The following PPP1R16B variants were observed in gnomAD, a reference collection of about 807,000 sequenced individuals.
The protein encoded by PPP1R16B is protein phosphatase 1 regulatory inhibitor subunit 16B.
PPP1R16B carries 14 observed loss-of-function variants against 61.7 expected under a neutral mutation model. That is an observed-to-expected ratio of 0.23 (90% CI 0.15 to 0.35). PPP1R16B has a LOEUF of 0.35. PPP1R16B is among the 10% of genes least tolerant of loss of function. PPP1R16B has a pLI of 1.00. For missense variants in PPP1R16B, 547 were observed against 752.5 expected (o/e 0.73, Z 3.19); for synonymous variants, 266 against 305.3 (o/e 0.87, Z 1.34).
intron 2 of PPP1R16B, among the ~76,000 whole-genome samples, chr20:38,839,021 G>A (rs1338956271): frequency 2.0e-5 from 3 of 152,212 alleles, no homozygotes; most frequent in South Asian, 2.1e-4. Flanking sequence ...TCTGCCTCCC[G>A]GGTTCAAGCG....
At chr20:38,847,861 T>C (rs1034353702) in intron 2 of PPP1R16B, among the ~76,000 whole-genome samples, 4 of 152,208 alleles carry the variant, frequency 2.6e-5, no homozygotes, top group African/African-American at 9.6e-5. Context: ...GTTTTGTTTA[T>C]AGTAATTTTT....
chr20:38,815,327 A>G (rs2084728427), intron 1 of PPP1R16B, among the ~76,000 whole-genome samples: 1 of 152,262 alleles, frequency 6.6e-6, no homozygotes, highest in Admixed American at 6.5e-5. Flanking sequence ...ATCTGAGCAC[A>G]TGCCAACACA....
rs147912297 is a variant in PPP1R16B, at chr20:38,877,185, A to G, written c.251-12410A>G. Among the ~76,000 whole-genome samples the G allele has an allele frequency of 2.4e-3, 362 of 152,348 alleles. 2 individuals are homozygous for G. The highest frequency in any genetic ancestry group is 8.3e-3 in the African/African-American group (347 of 41,568). ...CCAGGATTTCTCACTTATAAACAAT[A>G]TGCATATAAACAATGCTGCTGTGAA... On this transcript the variant is annotated intron_variant, in intron 2 of 10. Coordinates refer to ENST00000299824, the MANE Select transcript of PPP1R16B (RefSeq NM_015568.4).
At chr20:38,893,597 C>G (rs1011068724) in intron 3 of PPP1R16B, among the ~76,000 whole-genome samples, 1 of 150,562 alleles carries the variant, frequency 6.6e-6, no homozygotes, top group African/African-American at 2.4e-5. Context: ...CGGGAGGAGG[C>G]GGGAGGAGGC....
At chr20:38,814,177 C>T (rs1259984241) in intron 1 of PPP1R16B, among the ~76,000 whole-genome samples, 2 of 152,196 alleles carry the variant, frequency 1.3e-5, no homozygotes, top group Non-Finnish European at 2.9e-5. Flanking sequence ...CAAGGTCACA[C>T]AGCCAGTAAA....
chr20:38,895,691 G>C lies in PPP1R16B; in HGVS notation c.448G>C (p.Val150Leu). The C allele has an allele frequency of 6.2e-7, 1 of 1,614,094 alleles. No individual in the cohort carries two copies. ...AAATCGHINL[V>L]KILVQYGADL... is the part of the protein sequence containing the mutation. ...AGCCACCTGCGGCCACATCAACCTG[G>C]TGAAGATCCTCGTTCAGTAGTACGT... The change falls in exon 4 of 11, where the codon GTG (valine) becomes CTG (leucine). Residue 150 changes from valine (V) to leucine (L), a missense_variant. By Grantham distance (32) the Val-to-Leu change is conservative. Coordinates refer to ENST00000299824, the MANE Select transcript of PPP1R16B (RefSeq NM_015568.4).
intron 2 of PPP1R16B, among the ~76,000 whole-genome samples, chr20:38,876,785 C>G (rs1198000395): frequency 6.6e-6 from 1 of 152,158 alleles, no homozygotes; most frequent in Non-Finnish European, 1.5e-5. Flanking sequence ...TACCACTTGG[C>G]TATCATTCTG....
chr20:38,896,177 T>C (rs1601298894), intron 4 of PPP1R16B, among the ~76,000 whole-genome samples: 1 of 92,088 alleles, frequency 1.1e-5, no homozygotes, highest in South Asian at 3.6e-4. Context: ...CTTCCTTCTT[T>C]CTTCCCTCCC....
At chr20:38,817,787 G>A (rs947563363) in intron 1 of PPP1R16B, among the ~76,000 whole-genome samples, 2 of 151,742 alleles carry the variant, frequency 1.3e-5, no homozygotes, top group Non-Finnish European at 2.9e-5. Context: ...GTTCATGCTT[G>A]TAATCCCAGC....
chr20:38,869,350 A>G (rs7260775), intron 2 of PPP1R16B, among the ~76,000 whole-genome samples: 22 of 151,712 alleles, frequency 1.5e-4, no homozygotes, highest in African/African-American at 3.6e-4. Flanking sequence ...GTAGAGATGG[A>G]ATCTCACCAT....
intron 1 of PPP1R16B, among the ~76,000 whole-genome samples, chr20:38,818,460 G>A (rs1004453035): frequency 3.3e-5 from 5 of 152,186 alleles, no homozygotes; most frequent in African/African-American, 1.2e-4. Context: ...TTTAGGCTGA[G>A]AGCTTGAAAC....
chr20:38,838,298 C>T (rs1424629958), intron 2 of PPP1R16B: 1 of 152,418 alleles, frequency 6.6e-6, no homozygotes, highest in Admixed American at 6.5e-5. Context: ...CTTCCTGGGT[C>T]CCTGCACACA....
intron 1 of PPP1R16B, among the ~76,000 whole-genome samples, chr20:38,821,882 AT>A (rs932452828): frequency 6.6e-6 from 1 of 151,010 alleles, no homozygotes; most frequent in African/African-American, 2.4e-5. Flanking sequence ...TTTGAGTCAC[AT>A]TTTCCTGTTT....
At chr20:38,818,591 T>C (rs763498953) in intron 1 of PPP1R16B, among the ~76,000 whole-genome samples, 8 of 152,094 alleles carry the variant, frequency 5.3e-5, no homozygotes, top group South Asian at 2.1e-4. Flanking sequence ...AGGTAAGCGG[T>C]GGAGGCAAGG....
chr20:38,847,172 C>T (rs1429903837), intron 2 of PPP1R16B, among the ~76,000 whole-genome samples: 8 of 152,188 alleles, frequency 5.3e-5, no homozygotes, highest in African/African-American at 1.7e-4. Flanking sequence ...TATCTCCCCA[C>T]CTCATCACTA....
chr20:38,876,165 G>A (rs1409884584), intron 2 of PPP1R16B, among the ~76,000 whole-genome samples: 3 of 151,898 alleles, frequency 2.0e-5, no homozygotes, highest in African/African-American at 7.3e-5. Context: ...GTAGAGACAG[G>A]TTTCACCATG....
At chr20:38,870,672 C>G (rs1009452925) in intron 2 of PPP1R16B, among the ~76,000 whole-genome samples, 2 of 152,132 alleles carry the variant, frequency 1.3e-5, no homozygotes, top group African/African-American at 2.4e-5. Context: ...CAGGGATGCT[C>G]CTGCTGGCTG....
intron 10 of PPP1R16B, among the ~76,000 whole-genome samples, chr20:38,916,426 AAAACTAGATTAT>A (rs1326606285): frequency 6.7e-6 from 1 of 149,186 alleles, no homozygotes; most frequent in African/African-American, 2.4e-5. Flanking sequence ...TATATGTTAG[AAAACTAGATTAT>A]AAACTAGATT....
chr20:38,880,048 A>G (rs1234955221), intron 2 of PPP1R16B, among the ~76,000 whole-genome samples: 2 of 152,100 alleles, frequency 1.3e-5, no homozygotes, highest in Non-Finnish European at 2.9e-5. Flanking sequence ...AGGCTTGGGT[A>G]GAGGCCAGGT....
Sources: allele counts gnomAD v4.1 joint callset (sites outside exome capture counted in the v4.1 genomes callset), GRCh38; gene constraint gnomAD v4.1.1; transcripts MANE v1.5; gene names NCBI Gene and HGNC (gene_info 2026-07-23, HGNC 2026-07-21).